The following PSD3 variants were observed in gnomAD, a reference collection of about 807,000 sequenced individuals.
The protein encoded by PSD3 is PH and SEC7 domain-containing protein 3.
In PSD3, 49 loss-of-function variants were observed where a neutral mutation model predicts 105.5. The ratio of observed to expected loss-of-function variants is 0.46; its 90% CI spans 0.37 to 0.59. PSD3 has a LOEUF of 0.59. Among genes scored for constraint, PSD3 ranks in the 20% least tolerant of loss-of-function variants. The pLI is 0.00. For missense variants in PSD3, 1,561 were observed against 1,263.8 expected (o/e 1.24, Z -3.57); for synonymous variants, 557 against 457.8 (o/e 1.22, Z -2.77).
intron 1 of PSD3, among the ~76,000 whole-genome samples, chr8:19,009,036 C>T (rs1826833580): frequency 6.6e-6 from 1 of 152,180 alleles, no homozygotes; most frequent in South Asian, 2.1e-4. Context: ...AAATACATTC[C>T]ATTTTAATTT....
At chr8:18,727,136 G>A (rs751729555) in intron 9 of PSD3, among the ~76,000 whole-genome samples, 5 of 152,006 alleles carry the variant, frequency 3.3e-5, no homozygotes, top group Non-Finnish European at 5.9e-5. Flanking sequence ...AGGTATTCAA[G>A]ACCAGCTTGG....
At chr8:18,666,070 G>T (rs538107872) in intron 9 of PSD3, among the ~76,000 whole-genome samples, 5 of 150,898 alleles carry the variant, frequency 3.3e-5, no homozygotes, top group Non-Finnish European at 4.4e-5. Flanking sequence ...CTTTTTTTTT[G>T]AGACAGTCTT....
At chr8:18,885,375 A>T (rs902262090) in intron 2 of PSD3, among the ~76,000 whole-genome samples, 1 of 152,220 alleles carries the variant, frequency 6.6e-6, no homozygotes, top group African/African-American at 2.4e-5. Flanking sequence ...CTTCTGCTAA[A>T]ATTAACACAT....
At chr8:18,833,505 C>T (rs1020122131) in intron 4 of PSD3, among the ~76,000 whole-genome samples, 1 of 152,180 alleles carries the variant, frequency 6.6e-6, no homozygotes, top group African/African-American at 2.4e-5. Context: ...TTTGTGGAGG[C>T]AGTGCTTTGA....
intron 12 of PSD3, among the ~76,000 whole-genome samples, chr8:18,579,089 T>C (rs10100019): frequency 0.044 from 4,267 of 97,334 alleles, 220 homozygotes; most frequent in African/African-American, 0.15. Flanking sequence ...AAAATAAAGC[T>C]CCAAGTCCAC....
rs2129874022 is a variant in PSD3 at position 18,532,490 on chromosome 8, T to G, written c.*3253A>C. Reference sequence around the variant, plus strand: ...ACAAGACCACTGCACCAAAAAATGCTTTCTATCCTCTGCATCTAAGAGGAA... The same window carrying G: ...ACAAGACCACTGCACCAAAAAATGCGTTCTATCCTCTGCATCTAAGAGGAA... On this transcript the variant is annotated 3_prime_UTR_variant, in exon 16 of 16. Transcript: ENST00000327040. 6.6e-6 allele frequency: 1 copy of G among 152,314 alleles called. No individual in the cohort carries two copies. The highest frequency in any genetic ancestry group is 2.1e-4 in the South Asian group (1 of 4,822). 9.4% of individuals were successfully genotyped at this position (152,314 alleles called of 1,614,324 possible).
At chr8:18,608,212 C>T (rs552424049) in intron 11 of PSD3, among the ~76,000 whole-genome samples, 2 of 152,146 alleles carry the variant, frequency 1.3e-5, no homozygotes, top group South Asian at 4.2e-4. Context: ...AAAGTGAGAT[C>T]CTGTCTCAAA....
At chr8:18,719,315 G>A (rs1389812619) in intron 9 of PSD3, among the ~76,000 whole-genome samples, 3 of 152,132 alleles carry the variant, frequency 2.0e-5, no homozygotes, top group African/African-American at 4.8e-5. Context: ...TTAAAAATCT[G>A]AAACTGAGTT....
intron 4 of PSD3, chr8:18,865,257 TATATATATATATATATA>T (rs1816786568): frequency 4.4e-4 from 2 of 4,508 alleles, no homozygotes; most frequent in East Asian, 4.8e-3. Flanking sequence ...TATATATATA[TATATATATATATATATA>T]TATATATATA....
chr8:19,001,358 T>C (rs916225949), intron 1 of PSD3, among the ~76,000 whole-genome samples: 4 of 151,610 alleles, frequency 2.6e-5, no homozygotes, highest in African/African-American at 9.7e-5. Flanking sequence ...AAAATTAAGC[T>C]GAAGGTGAGG....
At chr8:18,897,011 T>C (rs1047676061) in intron 2 of PSD3, among the ~76,000 whole-genome samples, 17 of 151,942 alleles carry the variant, frequency 1.1e-4, no homozygotes, top group South Asian at 4.2e-4. Context: ...GGTTTCTCCA[T>C]GTTGAGGCTG....
At chr8:18,944,244 C>T (rs1300478968) in intron 1 of PSD3, among the ~76,000 whole-genome samples, 2 of 152,166 alleles carry the variant, frequency 1.3e-5, no homozygotes, top group African/African-American at 4.8e-5. Flanking sequence ...TGCCAGGTTT[C>T]ACCACTGAGA....
intron 8 of PSD3, among the ~76,000 whole-genome samples, chr8:18,789,406 C>CTAAG (rs1809490745): frequency 6.6e-6 from 1 of 152,118 alleles, no homozygotes; most frequent in Non-Finnish European, 1.5e-5. Context: ...TAATATATTT[C>CTAAG]TCACTTAGGA....
chr8:18,603,166 G>C (rs1028409206), intron 11 of PSD3, among the ~76,000 whole-genome samples: 2 of 152,172 alleles, frequency 1.3e-5, no homozygotes, highest in African/African-American at 4.8e-5. Context: ...TCTTTTCACT[G>C]CAGTTTTTAC....
intron 15 of PSD3, among the ~76,000 whole-genome samples, chr8:18,548,014 C>A (rs1402829082): frequency 6.6e-6 from 1 of 151,992 alleles, no homozygotes; most frequent in East Asian, 1.9e-4. Context: ...CCTTTTTTCC[C>A]CCATCTGATT....
intron 12 of PSD3, among the ~76,000 whole-genome samples, chr8:18,595,902 T>TA (rs1239174738): frequency 1.3e-5 from 2 of 152,034 alleles, no homozygotes; most frequent in East Asian, 3.9e-4. Context: ...ATACACCAAA[T>TA]ATCCTAGCAA....
intron 1 of PSD3, among the ~76,000 whole-genome samples, chr8:18,998,059 T>C (rs2129474053): frequency 6.6e-6 from 1 of 152,030 alleles, no homozygotes; most frequent in Middle Eastern, 3.4e-3. Context: ...CCTAAAATAA[T>C]GCCTGCCTCA....
intron 1 of PSD3, among the ~76,000 whole-genome samples, chr8:19,028,713 G>C (rs1238654515): frequency 6.6e-6 from 1 of 151,958 alleles, no homozygotes; most frequent in South Asian, 2.1e-4. Flanking sequence ...TGCCATTTTT[G>C]TTTATGGTTT....
chr8:18,790,472 T>C (rs1170078006), intron 8 of PSD3, among the ~76,000 whole-genome samples: 1 of 151,764 alleles, frequency 6.6e-6, no homozygotes, highest in African/African-American at 2.4e-5. Flanking sequence ...CTGGCTAATT[T>C]TTTGTATTTT....
Sources: allele counts gnomAD v4.1 joint callset (sites outside exome capture counted in the v4.1 genomes callset), GRCh38; gene constraint gnomAD v4.1.1; transcripts MANE v1.5; gene names NCBI Gene and HGNC (gene_info 2026-07-23, HGNC 2026-07-21).